The following CMTM7 variants were observed in gnomAD, a reference collection of about 807,000 sequenced individuals.
CMTM7 encodes CKLF-like MARVEL transmembrane domain-containing protein 7.
In CMTM7, 7 loss-of-function variants were observed where a neutral mutation model predicts 19.3. That is an observed-to-expected ratio of 0.36 (90% confidence interval 0.21 to 0.68). The LOEUF (loss-of-function observed/expected upper bound fraction) is 0.68. CMTM7 is among the 30% of genes least tolerant of loss of function. The pLI, the probability that CMTM7 is intolerant of heterozygous loss-of-function variation, is 0.60. For missense variants in CMTM7, 193 were observed against 232.6 expected (o/e 0.83, Z 1.11); for synonymous variants, 87 against 99.3 (o/e 0.88, Z 0.74).
chr3:32,425,182 C>T (rs1347175608), intron 1 of CMTM7, among the ~76,000 whole-genome samples: 1 of 152,184 alleles, frequency 6.6e-6, no homozygotes, highest in African/African-American at 2.4e-5. Context: ...AATAATTTGA[C>T]AGCCCTATGC....
At chr3:32,399,436 G>T (rs1417385688) in intron 1 of CMTM7, among the ~76,000 whole-genome samples, 4 of 152,168 alleles carry the variant, frequency 2.6e-5, no homozygotes, top group Non-Finnish European at 4.4e-5. Context: ...AGCCTTCCCA[G>T]ACTGGGTGCT....
intron 1 of CMTM7, among the ~76,000 whole-genome samples, chr3:32,394,776 A>G (rs1317701926): frequency 6.6e-6 from 1 of 151,248 alleles, no homozygotes; most frequent in Admixed American, 6.6e-5. Flanking sequence ...GCTCACTGCA[A>G]CCTCTGCCTC....
intron 1 of CMTM7, among the ~76,000 whole-genome samples, chr3:32,417,636 C>T (rs548621301): frequency 6.7e-4 from 102 of 152,306 alleles, no homozygotes; most frequent in African/African-American, 2.3e-3. Flanking sequence ...TAAGAAACTG[C>T]AAAGTTGTTT....
At position 32,449,981 on chromosome 3, in the gene CMTM7, T is replaced by G. The variant is rs1469128119; in HGVS notation, c.432+429T>G. ...GCCTGAGCTTTGCCATTCCTGATTT[T>G]TAACAGTATTCAGGCCAGGAAATAA... On this transcript the variant is annotated intron_variant, in intron 3 of 4. Coordinates refer to ENST00000334983, the MANE Select transcript of CMTM7 (RefSeq NM_138410.4). This position sits in a 1 kb window ranked among gnomAD's most constrained non-coding sequence, Gnocchi z 4.5. 1.3e-5 allele frequency among the ~76,000 whole-genome samples: 2 copies of G among 152,200 alleles called. No homozygotes were observed. Among genetic ancestry groups the G allele is most frequent in the Non-Finnish European group, 2.9e-5 (2 of 68,024 alleles).
intron 1 of CMTM7, among the ~76,000 whole-genome samples, chr3:32,436,113 G>A (rs56218040): frequency 0.032 from 4,942 of 152,248 alleles, 122 homozygotes; most frequent in Middle Eastern, 0.055. Context: ...TCAGGACCCC[G>A]GACATATTTC....
At chr3:32,414,543 G>A (rs1472108849) in intron 1 of CMTM7, among the ~76,000 whole-genome samples, 1 of 152,198 alleles carries the variant, frequency 6.6e-6, no homozygotes, top group Non-Finnish European at 1.5e-5. Context: ...AAGGGGAGAG[G>A]TGAAGAAACT....
rs139824776 is a variant in CMTM7 at position 32,420,687 on chromosome 3, C to T, written c.160-21153C>T. On this transcript the variant is annotated intron_variant, in intron 1 of 4. Coordinates refer to ENST00000334983, the MANE Select transcript of CMTM7 (RefSeq NM_138410.4). ...TCCCACTGTCTGCCTGACTGAAGGG[C>T]GGTTTACCACAGCTGGCTTTTTGTT... Among the ~76,000 whole-genome samples the T allele has an allele frequency of 1.1e-4, 16 of 152,252 alleles. No homozygotes were observed. In the South Asian group the frequency reaches 1.5e-3, roughly 14 times the overall value.
At chr3:32,423,238 A>G (rs1007064826) in intron 1 of CMTM7, among the ~76,000 whole-genome samples, 13 of 152,218 alleles carry the variant, frequency 8.5e-5, no homozygotes, top group African/African-American at 3.1e-4. Context: ...AAAAGTGGTC[A>G]GATAATTGCA....
rs747897825 is a variant in CMTM7, at chr3:32,454,439, ACT to A, written c.*188_*189del. 1.3e-4 allele frequency: 100 copies of A among 741,738 alleles called. No individual in the cohort carries two copies. In the South Asian group the frequency reaches 1.4e-3, roughly 11 times the overall value. 45.9% of individuals were successfully genotyped at this position (741,738 alleles called of 1,614,324 possible). On this transcript the variant is annotated 3_prime_UTR_variant, in exon 5 of 5. Transcript: ENST00000334983. ...CCCTGAGCTCCTGAGCCAGCCGGAA[ACT>A]CTTCCTCCAGCCTTCCGGGGAGAAC...
intron 1 of CMTM7, among the ~76,000 whole-genome samples, chr3:32,440,422 CT>C (rs1252680863): frequency 4.6e-5 from 7 of 151,688 alleles, no homozygotes; most frequent in African/African-American, 1.7e-4. Flanking sequence ...AAAAGAATCA[CT>C]CCTCCATAGG....
chr3:32,394,158 C>T (rs1177726815), intron 1 of CMTM7, among the ~76,000 whole-genome samples: 1 of 152,196 alleles, frequency 6.6e-6, no homozygotes, highest in African/African-American at 2.4e-5. Flanking sequence ...TTAGGGCTAT[C>T]TACTTGGGCC....
chr3:32,438,765 A>G (rs1696635098), intron 1 of CMTM7, among the ~76,000 whole-genome samples: 1 of 152,228 alleles, frequency 6.6e-6, no homozygotes. Context: ...CCTACTACAC[A>G]GTACTCAGCC....
chr3:32,434,525 G>C (rs1215324980), intron 1 of CMTM7, among the ~76,000 whole-genome samples: 1 of 150,466 alleles, frequency 6.6e-6, no homozygotes, highest in Non-Finnish European at 1.5e-5. Context: ...GGCTGGTCTC[G>C]AACCCTTGGC....
At chr3:32,445,718 G>A (rs1181880441) in intron 2 of CMTM7, among the ~76,000 whole-genome samples, 1 of 151,854 alleles carries the variant, frequency 6.6e-6, no homozygotes, top group Non-Finnish European at 1.5e-5. Flanking sequence ...GTCTCCCTAT[G>A]TTGCCCAGGC....
At chr3:32,424,772 G>A (rs567991305) in intron 1 of CMTM7, among the ~76,000 whole-genome samples, 14 of 152,058 alleles carry the variant, frequency 9.2e-5, no homozygotes, top group Non-Finnish European at 1.6e-4. Flanking sequence ...TCGGCCTTCC[G>A]AGTAGCTGGA....
At position 32,398,841 on chromosome 3, in the gene CMTM7, T is replaced by TG. The variant is rs1695956974; in HGVS notation, c.159+6779dup. Among the ~76,000 whole-genome samples, 3 of 151,622 alleles carry TG rather than the reference T, an allele frequency of 2.0e-5. No individual in the cohort carries two copies. The South Asian group carries it at 6.2e-4, about 32-fold the overall frequency. ...TCTACAAAAAAATACAAAAATTAGA[T>TG]GGGTGTGGTAGCACGTGCCTGTAGT... On this transcript the variant is annotated intron_variant, in intron 1 of 4. Coordinates refer to ENST00000334983, the MANE Select transcript of CMTM7 (RefSeq NM_138410.4).
chr3:32,434,631 T>C (rs998894347), intron 1 of CMTM7, among the ~76,000 whole-genome samples: 1 of 150,524 alleles, frequency 6.6e-6, no homozygotes, highest in South Asian at 2.1e-4. Flanking sequence ...TTAAGTAATT[T>C]TGAGATAGAA....
In CMTM7 at chr3:32,391,957, G is replaced by T. The variant is rs889238747; in HGVS notation, c.51G>T (p.Ala17=). The T allele has an allele frequency of 1.2e-4, 147 of 1,230,818 alleles. No homozygotes were observed. In the African/African-American group the frequency reaches 1.8e-3, roughly 15 times the overall value. The allele number at this position is 1,230,818 out of a possible 1,614,324, so 76.2% of individuals were successfully genotyped here. A position where few individuals can be genotyped will look rare whatever the true frequency, so the allele number is the denominator to read the frequency against. Reference sequence around the variant, plus strand: ...GCACCACGTGCAGCAGCGGCAGCGCGCTCGGACCCGGGGCCGGCGCGGCCC... The same window carrying T: ...GCACCACGTGCAGCAGCGGCAGCGCTCTCGGACCCGGGGCCGGCGCGGCCC... The part of the protein sequence containing the change: ...LVRTTCSSGS[A]LGPGAGAAQP... The change falls in exon 1 of 5, where the codon GCG becomes GCT. Residue 17 remains alanine, a synonymous_variant. Coordinates refer to ENST00000334983, the MANE Select transcript of CMTM7 (RefSeq NM_138410.4).
Position 32,440,070 on chromosome 3 carries a change from T to TACACACACACACACAC in CMTM7, c.160-1749_160-1734dup, listed in dbSNP as rs10526471. On this transcript the variant is annotated intron_variant, in intron 1 of 4. Coordinates refer to ENST00000334983, the MANE Select transcript of CMTM7 (RefSeq NM_138410.4). ...CACCCATACACTAACACCACACGCA[T>TACACACACACACACAC]ACACACACACACACACACACACACA... Among the ~76,000 whole-genome samples, 19 of 150,178 alleles carry TACACACACACACACAC rather than the reference T, an allele frequency of 1.3e-4. No homozygotes were observed. In the East Asian group the frequency reaches 3.2e-3, roughly 25 times the overall value.
Sources: allele counts gnomAD v4.1 joint callset (sites outside exome capture counted in the v4.1 genomes callset), GRCh38; gene constraint gnomAD v4.1.1; non-coding constraint Gnocchi (gnomAD v3.1); transcripts MANE v1.5; gene names NCBI Gene and HGNC (gene_info 2026-07-23, HGNC 2026-07-21).